Variants in CDKAL1 observed in about 807,000 individuals in gnomAD.
CDKAL1 encodes the protein CDKAL1 threonylcarbamoyladenosine tRNA methylthiotransferase, also known as threonylcarbamoyladenosine tRNA methylthiotransferase.
CDKAL1 carries 32 observed loss-of-function variants against 68.2 expected under a neutral mutation model. That is an observed-to-expected ratio of 0.47 (90% CI 0.35 to 0.63). The LOEUF (loss-of-function observed/expected upper bound fraction) is 0.63, where lower values mean the gene tolerates loss of function less well. Ranked by LOEUF, CDKAL1 falls within the 30% of genes least tolerant of loss-of-function variation. The probability of loss-of-function intolerance (pLI) is 0.00; values close to 1 mark genes in which losing one functional copy is unlikely to be tolerated. For synonymous variants in CDKAL1, 234 were observed against 244.3 expected, an observed-to-expected ratio of 0.96 and a Z score of 0.39; for missense variants, 606 against 696.7, an observed-to-expected ratio of 0.87 and a Z score of 1.47.
chr6:21,188,813 A>AT (rs879740732), intron 13 of CDKAL1, among the ~76,000 whole-genome samples: 1,662 of 148,896 alleles, frequency 0.011, 10 homozygotes, highest in Non-Finnish European at 0.015. Flanking sequence ...TCTTACCACA[A>AT]TTTTTTTTTT....
At chr6:21,073,057 C>G (rs1052211532) in intron 12 of CDKAL1, among the ~76,000 whole-genome samples, 1 of 152,138 alleles carries the variant, frequency 6.6e-6, no homozygotes, top group African/African-American at 2.4e-5. Flanking sequence ...TCCAGAATGT[C>G]ACATATTTGG....
intron 9 of CDKAL1, among the ~76,000 whole-genome samples, chr6:20,909,880 G>A (rs1762392308): frequency 6.6e-6 from 1 of 152,098 alleles, no homozygotes. Flanking sequence ...AGTTTAGCGG[G>A]TTTGCACCTG....
intron 4 of CDKAL1, among the ~76,000 whole-genome samples, chr6:20,631,145 C>T (rs551473295): frequency 1.3e-5 from 2 of 152,312 alleles, no homozygotes; most frequent in African/African-American, 2.4e-5. Flanking sequence ...AAACACTCCT[C>T]TTTTGAAGTT....
In CDKAL1 at chr6:20,961,046, G is replaced by A. The variant is rs916275046; in HGVS notation, c.909+5461G>A. 1.8e-4 allele frequency among the ~76,000 whole-genome samples: 27 copies of A among 152,132 alleles called. 1 individual carries two copies. The highest frequency in any genetic ancestry group is 3.6e-4 in the African/African-American group (15 of 41,418). On this transcript the variant is annotated intron_variant, in intron 10 of 15. Coordinates refer to ENST00000274695, the MANE Select transcript of CDKAL1 (RefSeq NM_017774.3). The stretch of plus-strand genomic sequence containing the variant: ...GACAGTTTGTCTTGGTTTTAGTTTC[G>A]TGAATTGGCTGATAGGGAAAAGATG...
intron 15 of CDKAL1, among the ~76,000 whole-genome samples, chr6:21,202,106 ATACCGCTTCACTCTGGCAATAG>A (rs898974310): frequency 1.6e-4 from 25 of 152,204 alleles, no homozygotes; most frequent in Non-Finnish European, 2.6e-4. Context: ...AATAAAGGGA[ATACCGCTTCACTCTGGCAATAG>A]TACCGCTTCA....
chr6:20,912,508 A>G (rs941110789), intron 9 of CDKAL1, among the ~76,000 whole-genome samples: 12 of 152,198 alleles, frequency 7.9e-5, no homozygotes, highest in Non-Finnish European at 1.6e-4. Flanking sequence ...CTGATTCTGA[A>G]ATAGCTGAAT....
At chr6:20,755,369 G>A (rs1774122598) in intron 6 of CDKAL1, among the ~76,000 whole-genome samples, 1 of 152,054 alleles carries the variant, frequency 6.6e-6, no homozygotes, top group Non-Finnish European at 1.5e-5. Context: ...CTATTCTTCA[G>A]AAATACTAAA....
chr6:20,904,749 A>G (rs1762157926), intron 9 of CDKAL1, among the ~76,000 whole-genome samples: 1 of 151,862 alleles, frequency 6.6e-6, no homozygotes, highest in East Asian at 1.9e-4. Context: ...AGATTGCGGC[A>G]TTGCACTCCA....
intron 9 of CDKAL1, among the ~76,000 whole-genome samples, chr6:20,850,047 T>C (rs996539603): frequency 3.3e-5 from 5 of 152,228 alleles, no homozygotes; most frequent in Non-Finnish European, 5.9e-5. Context: ...ACTATGACTT[T>C]TGCACATTTA....
intron 5 of CDKAL1, among the ~76,000 whole-genome samples, chr6:20,733,120 A>C (rs115024694): frequency 0.013 from 1,925 of 152,220 alleles, 47 homozygotes; most frequent in African/African-American, 0.043. Flanking sequence ...AGGGTGATGG[A>C]GTCATGCTTT....
chr6:20,676,360 A>G (rs1208343129), intron 5 of CDKAL1, among the ~76,000 whole-genome samples: 1 of 152,096 alleles, frequency 6.6e-6, no homozygotes, highest in Non-Finnish European at 1.5e-5. Flanking sequence ...TAAGTGCCCT[A>G]GACAGGTGTA....
chr6:20,974,829 A>AT (rs11427521), intron 10 of CDKAL1, among the ~76,000 whole-genome samples: 11 of 150,334 alleles, frequency 7.3e-5, no homozygotes, highest in Non-Finnish European at 1.5e-4. Context: ...AAAAAAAAAA[A>AT]TTAGCTGGGC....
intron 15 of CDKAL1, among the ~76,000 whole-genome samples, chr6:21,220,427 A>T (rs924410353): frequency 6.6e-6 from 1 of 152,232 alleles, no homozygotes; most frequent in Non-Finnish European, 1.5e-5. Flanking sequence ...ATGAGGAAGC[A>T]GTAAAGATAA....
intron 4 of CDKAL1, among the ~76,000 whole-genome samples, chr6:20,607,160 A>G (rs1421488209): frequency 2.6e-5 from 4 of 152,230 alleles, no homozygotes; most frequent in Non-Finnish European, 5.9e-5. Context: ...CAAAAAAGAA[A>G]GAACGTAAAG....
At chr6:20,969,723 A>G (rs1299306044) in intron 10 of CDKAL1, among the ~76,000 whole-genome samples, 24 of 152,338 alleles carry the variant, frequency 1.6e-4, no homozygotes, top group Non-Finnish European at 1.0e-4. Context: ...ATGCTCCATC[A>G]GGTAGCTTAT....
At chr6:21,172,759 A>G (rs1777438383) in intron 13 of CDKAL1, among the ~76,000 whole-genome samples, 1 of 152,204 alleles carries the variant, frequency 6.6e-6, no homozygotes, top group Non-Finnish European at 1.5e-5. Flanking sequence ...TGTCTCTAAA[A>G]AAATTAAAAA....
intron 15 of CDKAL1, among the ~76,000 whole-genome samples, chr6:21,207,334 C>T (rs892892223): frequency 2.0e-5 from 3 of 152,004 alleles, no homozygotes; most frequent in African/African-American, 7.3e-5. Flanking sequence ...TAAGAACAGC[C>T]TAGCACCATT....
At chr6:20,756,871 CCT>C (rs1561750154) in intron 6 of CDKAL1, 496 of 44,120 alleles carry the variant, frequency 0.011, 3 homozygotes, top group African/African-American at 0.031. Context: ...TTCCTTCCTT[CCT>C]TCCTTCCTTC....
At chr6:20,797,222 G>T (rs976627003) in intron 8 of CDKAL1, among the ~76,000 whole-genome samples, 1 of 152,140 alleles carries the variant, frequency 6.6e-6, no homozygotes. Context: ...CTTGAACAGA[G>T]ACATCACAAA....
Sources: gnomAD v4.1 joint callset for allele counts (sites outside exome capture counted in the v4.1 genomes callset) on GRCh38, gnomAD v4.1.1 for gene constraint, MANE v1.5 for transcripts, NCBI Gene and HGNC (gene_info 2026-07-23, HGNC 2026-07-21) for gene names.